Variants in GPHN observed in about 807,000 individuals in gnomAD.
GPHN encodes the protein gephyrin.
In GPHN, 17 loss-of-function variants were observed where a neutral mutation model predicts 95.5. The observed-to-expected ratio is 0.18, with a 90% CI of 0.12 to 0.27. GPHN has a LOEUF of 0.27. GPHN is among the 10% of genes least tolerant of loss of function. The probability of loss-of-function intolerance (pLI) is 1.00; values close to 1 mark genes in which losing one functional copy is unlikely to be tolerated. For missense variants in GPHN, 660 were observed against 978.1 expected, an observed-to-expected ratio of 0.67 and a Z score of 4.34; for synonymous variants, 320 against 322.5, an observed-to-expected ratio of 0.99 and a Z score of 0.08.
At chr14:67,678,184 G>C in the GPHN span, 1 of 614,932 alleles carries the variant, frequency 1.6e-6, no homozygotes. Flanking sequence ...GTTTTAACTG[G>C]ACACCAAGCA....
In GPHN at chr14:67,111,778, ATC is replaced by A. The variant is rs963271417; in HGVS notation, c.1414-81_1414-80del. 6.3e-5 allele frequency: 63 copies of A among 999,224 alleles called. No individual in the cohort carries two copies. The African/African-American group carries it at 9.9e-4, about 16-fold the overall frequency. 61.9% of individuals were successfully genotyped at this position (999,224 alleles called of 1,614,324 possible). A position where few individuals can be genotyped will look rare whatever the true frequency, so the allele number is the denominator to read the frequency against. ...CTATATTTGTATATATCCTGGGCCT[ATC>A]TGATGGTAAAAGTATCGGAGTAACT... is the stretch of plus-strand genomic sequence containing the variant. On this transcript the variant is annotated intron_variant, in intron 14 of 22. Transcript: ENST00000478722.
the GPHN span, among the ~76,000 whole-genome samples, chr14:67,326,221 ATTTTTTTTTTTT>A: frequency 8.3e-3 from 107 of 12,878 alleles, no homozygotes; most frequent in African/African-American, 0.017. Flanking sequence ...TTTAGGTCTG[ATTTTTTTTTTTT>A]TTTTTTTTTT....
chr14:67,324,172 T>C, the GPHN span, among the ~76,000 whole-genome samples: 2 of 152,222 alleles, frequency 1.3e-5, no homozygotes, highest in Non-Finnish European at 2.9e-5. Flanking sequence ...TTTTCTCTTC[T>C]TTTTATCCCA....
At chr14:67,036,501 GCACACACACACACACACACACACACA>G (rs762967467) in intron 10 of GPHN, among the ~76,000 whole-genome samples, 1 of 118,186 alleles carries the variant, frequency 8.5e-6, no homozygotes, top group Middle Eastern at 4.4e-3. Flanking sequence ...ATACATACAT[GCACACACACACACACACACACACACA>G]CACACACACA....
chr14:66,848,977 C>T (rs1349479846), intron 4 of GPHN, among the ~76,000 whole-genome samples: 1 of 150,948 alleles, frequency 6.6e-6, no homozygotes, highest in Non-Finnish European at 1.5e-5. Context: ...ATGTATAGTA[C>T]ACTTACTGTA....
chr14:67,111,023 A>T (rs2078337156), intron 14 of GPHN, among the ~76,000 whole-genome samples: 1 of 152,246 alleles, frequency 6.6e-6, no homozygotes, highest in African/African-American at 2.4e-5. Context: ...TACTTGTTTT[A>T]TGAAGAAAGT....
At chr14:66,902,809 C>A (rs1291982516) in intron 5 of GPHN, among the ~76,000 whole-genome samples, 1 of 151,942 alleles carries the variant, frequency 6.6e-6, no homozygotes, top group Non-Finnish European at 1.5e-5. Context: ...GGGAGGGTGG[C>A]CTGGGTTTCT....
chr14:67,251,254 G>A, the GPHN span, among the ~76,000 whole-genome samples: 23,458 of 152,128 alleles, frequency 0.15, 3,414 homozygotes, highest in East Asian at 0.42. Flanking sequence ...TGTACGTGAG[G>A]CTGGCGCAGT....
intron 8 of GPHN, among the ~76,000 whole-genome samples, chr14:66,951,858 T>A (rs2153579271): frequency 6.6e-6 from 1 of 152,254 alleles, no homozygotes; most frequent in Admixed American, 6.5e-5. Flanking sequence ...GCTATTTATA[T>A]GAAAATAAAT....
At chr14:67,445,448 A>G in the GPHN span, among the ~76,000 whole-genome samples, 1 of 152,066 alleles carries the variant, frequency 6.6e-6, no homozygotes, top group Non-Finnish European at 1.5e-5. Context: ...ATTGATGTGG[A>G]AAACTGACAC....
Position 66,943,419 on chromosome 14 carries a change from C to T in GPHN, c.828+19127C>T, listed in dbSNP as rs528798716. On this transcript the variant is annotated intron_variant, in intron 8 of 22. Coordinates refer to ENST00000478722, the MANE Select transcript of GPHN (RefSeq NM_020806.5). ...ACTCCTTCCAGCTTAATTAAAGATGCGGTTAGTACTACATGTCCCTAGCCT... is the reference window on the plus strand; with the variant it reads ...ACTCCTTCCAGCTTAATTAAAGATGTGGTTAGTACTACATGTCCCTAGCCT... Among the ~76,000 whole-genome samples the T allele has an allele frequency of 1.3e-4, 20 of 152,280 alleles. No individual in the cohort carries two copies. In the East Asian group the frequency reaches 1.7e-3, roughly 13 times the overall value.
the GPHN span, among the ~76,000 whole-genome samples, chr14:67,390,274 G>GGGA: frequency 8.5e-5 from 13 of 152,316 alleles, no homozygotes; most frequent in South Asian, 2.1e-4. Flanking sequence ...GAAAAGTGGA[G>GGGA]GGAGGCAGAA....
the GPHN span, among the ~76,000 whole-genome samples, chr14:67,442,156 T>C: frequency 6.6e-6 from 1 of 152,166 alleles, no homozygotes; most frequent in Non-Finnish European, 1.5e-5. Flanking sequence ...TATATTTTTA[T>C]GGAAGAATGG....
chr14:67,287,159 C>T, the GPHN span, among the ~76,000 whole-genome samples: 2 of 152,122 alleles, frequency 1.3e-5, no homozygotes, highest in Middle Eastern at 3.4e-3. Context: ...CTCAGGACTG[C>T]AGTGAGCCAT....
At chr14:66,619,598 C>A (rs2063200906) in intron 1 of GPHN, among the ~76,000 whole-genome samples, 2 of 149,896 alleles carry the variant, frequency 1.3e-5, no homozygotes, top group African/African-American at 4.9e-5. Flanking sequence ...TTTGAGAGTT[C>A]TTTATATATT....
chr14:67,159,329 T>C, intron 18 of GPHN, 86 bp from the exon 19 acceptor site: 1 of 840,958 alleles, frequency 1.2e-6, no homozygotes. Context: ...TTCATTTCAA[T>C]CTTATTAATT....
At chr14:66,828,503 G>A (rs1057147287) in intron 4 of GPHN, among the ~76,000 whole-genome samples, 1 of 152,058 alleles carries the variant, frequency 6.6e-6, no homozygotes, top group African/African-American at 2.4e-5. Flanking sequence ...GAGGTCAGAA[G>A]TTATTGGTAG....
chr14:67,710,223 C>T, the GPHN span, among the ~76,000 whole-genome samples: 8 of 152,300 alleles, frequency 5.3e-5, no homozygotes, highest in East Asian at 1.4e-3. Flanking sequence ...GTGTCATGGG[C>T]TCGTCCTCAA....
chr14:66,508,927 C>T (rs928284834), intron 1 of GPHN: 10 of 380,314 alleles, frequency 2.6e-5, no homozygotes, highest in Admixed American at 3.8e-5. Flanking sequence ...GATCCCGGCT[C>T]CGCAGTCTGA....
Sources: gnomAD v4.1 joint callset for allele counts (sites outside exome capture counted in the v4.1 genomes callset) on GRCh38, gnomAD v4.1.1 for gene constraint, MANE v1.5 for transcripts, NCBI Gene and HGNC (gene_info 2026-07-23, HGNC 2026-07-21) for gene names.